The following TOP6BL variants were observed in gnomAD, a reference collection of about 807,000 sequenced individuals.
TOP6BL encodes the protein TOP6B like initiator of meiotic double strand breaks.
chr11:66,751,948 A>T, the TOP6BL span, among the ~76,000 whole-genome samples: 254 of 152,294 alleles, frequency 1.7e-3, 1 homozygote, highest in Non-Finnish European at 2.9e-3. Flanking sequence ...ATTCCAGTAC[A>T]TCAGATAATA....
chr11:66,793,252 A>G, the TOP6BL span, among the ~76,000 whole-genome samples: 2 of 147,916 alleles, frequency 1.4e-5, no homozygotes, highest in African/African-American at 2.6e-5. Context: ...GTAATCGGCT[A>G]ATTTTTTTTT....
chr11:66,820,965 T>A, the TOP6BL span, among the ~76,000 whole-genome samples: 1 of 152,184 alleles, frequency 6.6e-6, no homozygotes, highest in Non-Finnish European at 1.5e-5. Flanking sequence ...GGTCTCTTCT[T>A]CCAAGAGGCA....
the TOP6BL span, among the ~76,000 whole-genome samples, chr11:66,778,748 C>T: frequency 5.9e-5 from 9 of 152,148 alleles, no homozygotes; most frequent in Admixed American, 5.9e-4. Flanking sequence ...CATCACGCTA[C>T]CTGACTTCAA....
At chr11:66,824,510 T>C in the TOP6BL span, among the ~76,000 whole-genome samples, 1 of 151,040 alleles carries the variant, frequency 6.6e-6, no homozygotes, top group Non-Finnish European at 1.5e-5. Context: ...GTTAGTTACA[T>C]ATGTATACAT....
the TOP6BL span, chr11:66,838,546 C>T: frequency 1.6e-4 from 167 of 1,071,024 alleles, no homozygotes; most frequent in Middle Eastern, 3.1e-3. Context: ...TCTACTACAG[C>T]GGCGTCCTTC....
chr11:66,804,807 C>T, the TOP6BL span, among the ~76,000 whole-genome samples: 1 of 151,388 alleles, frequency 6.6e-6, no homozygotes, highest in Non-Finnish European at 1.5e-5. Flanking sequence ...CGTGGTGGCT[C>T]ACACCTGTAA....
the TOP6BL span, among the ~76,000 whole-genome samples, chr11:66,796,863 T>TG: frequency 4.5e-4 from 69 of 151,720 alleles, no homozygotes; most frequent in East Asian, 0.013. Flanking sequence ...GACAGTTGTT[T>TG]TTTTTTTTTT....
the TOP6BL span, chr11:66,758,296 CTTTTTCTTTT>C: frequency 1.7e-5 from 1 of 57,396 alleles, no homozygotes; most frequent in African/African-American, 6.9e-5. Flanking sequence ...CTGGTATTTT[CTTTTTCTTTT>C]TTTTTTTTTT....
the TOP6BL span, chr11:66,822,507 C>A: frequency 8.4e-7 from 1 of 1,193,686 alleles, no homozygotes; most frequent in Non-Finnish European, 1.2e-6. Context: ...CTCTGGGATT[C>A]TCTAAACCAC....
chr11:66,761,836 C>T, the TOP6BL span: 1 of 885,458 alleles, frequency 1.1e-6, no homozygotes, highest in South Asian at 1.3e-5. Context: ...GCCTCCTCTT[C>T]TTGTCCAGCT....
chr11:66,768,232 T>C, the TOP6BL span, among the ~76,000 whole-genome samples: 6 of 152,190 alleles, frequency 3.9e-5, no homozygotes, highest in East Asian at 1.9e-4. Context: ...TGGTGAACTC[T>C]TGAATGTCTG....
chr11:66,768,029 C>T, the TOP6BL span, among the ~76,000 whole-genome samples: 1 of 152,114 alleles, frequency 6.6e-6, no homozygotes, highest in Non-Finnish European at 1.5e-5. Flanking sequence ...TGGGCTCAAG[C>T]GATCCTCCCA....
At chr11:66,834,792 CTG>C in the TOP6BL span, among the ~76,000 whole-genome samples, 1 of 152,200 alleles carries the variant, frequency 6.6e-6, no homozygotes, top group Non-Finnish European at 1.5e-5. Context: ...AGTGATCCTC[CTG>C]TGTCAGCCTC....
At chr11:66,831,677 A>T in the TOP6BL span, among the ~76,000 whole-genome samples, 4 of 152,322 alleles carry the variant, frequency 2.6e-5, no homozygotes, top group Non-Finnish European at 5.9e-5. Flanking sequence ...ATGGTTTCAC[A>T]GGTATGCACA....
chr11:66,764,437 A>G, the TOP6BL span, among the ~76,000 whole-genome samples: 2 of 150,258 alleles, frequency 1.3e-5, no homozygotes, highest in African/African-American at 4.9e-5. Context: ...GCGGATCACA[A>G]GGTCAGGAGT....
chr11:66,835,886 G>T, the TOP6BL span, among the ~76,000 whole-genome samples: 1 of 152,136 alleles, frequency 6.6e-6, no homozygotes, highest in African/African-American at 2.4e-5. Flanking sequence ...GGACATGCTT[G>T]TAACTGTCTT....
At chr11:66,827,575 G>A in the TOP6BL span, among the ~76,000 whole-genome samples, 1 of 151,808 alleles carries the variant, frequency 6.6e-6, no homozygotes, top group Admixed American at 6.6e-5. Flanking sequence ...TTATGCAGTA[G>A]AACCTGTGCT....
At chr11:66,821,078 G>A in the TOP6BL span, among the ~76,000 whole-genome samples, 3 of 152,110 alleles carry the variant, frequency 2.0e-5, no homozygotes, top group Non-Finnish European at 4.4e-5. Flanking sequence ...CTGATACCAT[G>A]TTCTGAGCCC....
At chr11:66,826,149 C>T in the TOP6BL span, among the ~76,000 whole-genome samples, 1 of 152,036 alleles carries the variant, frequency 6.6e-6, no homozygotes. Flanking sequence ...TGGCCTGCTT[C>T]ATTTTTTTGG....
Sources: gnomAD v4.1 joint callset for allele counts (sites outside exome capture counted in the v4.1 genomes callset) on GRCh38, gnomAD v4.1.1 for gene constraint, MANE v1.5 for transcripts, NCBI Gene and HGNC (gene_info 2026-07-23, HGNC 2026-07-21) for gene names.